The following DOCK5 variants were observed in gnomAD, a reference collection of about 807,000 sequenced individuals.
The protein encoded by DOCK5 is dedicator of cytokinesis protein 5.
A neutral mutation model predicts 251.8 loss-of-function variants in DOCK5; 142 were observed. The observed-to-expected ratio is 0.56, with a 90% confidence interval of 0.49 to 0.65. DOCK5 has a LOEUF of 0.65. DOCK5 is among the 30% of genes least tolerant of loss of function. The pLI is 0.00. For synonymous variants in DOCK5, 842 were observed against 835.5 expected, an observed-to-expected ratio of 1.01 and a Z score of -0.13; for missense variants, 2,111 against 2,312.3, an observed-to-expected ratio of 0.91 and a Z score of 1.79.
Position 25,237,038 on chromosome 8 carries a change from T to G in DOCK5, c.44-6636T>G, listed in dbSNP as rs568193446. Reference sequence around the variant, plus strand: ...TAGCTATTCTTCAGGGGATTGTAATTTGAGGATTCATGTAATAATCTCATT... The same window carrying G: ...TAGCTATTCTTCAGGGGATTGTAATGTGAGGATTCATGTAATAATCTCATT... On this transcript the variant is annotated intron_variant, in intron 1 of 51. Transcript: ENST00000276440. Among the ~76,000 whole-genome samples the G allele has an allele frequency of 5.3e-5, 8 of 152,300 alleles. No individual in the cohort carries two copies. The East Asian group carries it at 1.5e-3, about 29-fold the overall frequency.
chr8:25,379,943 C>T (rs1801035701), intron 38 of DOCK5, among the ~76,000 whole-genome samples: 1 of 152,112 alleles, frequency 6.6e-6, no homozygotes, highest in South Asian at 2.1e-4. Context: ...CCCCTCCAAC[C>T]AGACTTGCAT....
At chr8:25,289,225 C>T (rs1479486370) in intron 5 of DOCK5, among the ~76,000 whole-genome samples, 5 of 152,090 alleles carry the variant, frequency 3.3e-5, no homozygotes, top group Admixed American at 6.6e-5. Context: ...TCCTTAGGAT[C>T]GTCATAGAAG....
intron 1 of DOCK5, among the ~76,000 whole-genome samples, chr8:25,227,972 C>A (rs1221605828): frequency 6.6e-6 from 1 of 152,104 alleles, no homozygotes; most frequent in African/African-American, 2.4e-5. Flanking sequence ...GCAGCCTCCA[C>A]CTGCCAGGCT....
At chr8:25,343,112 C>T (rs991035135) in intron 25 of DOCK5, among the ~76,000 whole-genome samples, 9 of 152,180 alleles carry the variant, frequency 5.9e-5, no homozygotes, top group African/African-American at 1.9e-4. Flanking sequence ...GATTCTCCTG[C>T]CTCAGCCCCC....
chr8:25,344,531 C>G (rs935246343), intron 25 of DOCK5, among the ~76,000 whole-genome samples: 11 of 152,162 alleles, frequency 7.2e-5, no homozygotes, highest in African/African-American at 2.4e-4. Flanking sequence ...AAATGAGTGG[C>G]CTTCTCTAAG....
At chr8:25,389,321 T>C (rs1801218229) in intron 41 of DOCK5, 89 bp downstream of exon 41, 6 of 1,478,630 alleles carry the variant, frequency 4.1e-6, no homozygotes, top group Non-Finnish European at 5.5e-6. Flanking sequence ...CTACAGTCCC[T>C]TCTCTGCAGA....
At chr8:25,385,547 GC>G (rs1231587201) in intron 40 of DOCK5, among the ~76,000 whole-genome samples, 2 of 152,110 alleles carry the variant, frequency 1.3e-5, no homozygotes. Context: ...ACCGGAAAAG[GC>G]CAGAGTCACA....
intron 5 of DOCK5, among the ~76,000 whole-genome samples, chr8:25,281,603 A>G (rs887274136): frequency 6.6e-6 from 1 of 150,490 alleles, no homozygotes; most frequent in African/African-American, 2.4e-5. Flanking sequence ...AAAAAAGGCC[A>G]GGCGCAGTGG....
chr8:25,391,094 G>C (rs763568337), intron 42 of DOCK5, among the ~76,000 whole-genome samples: 1 of 152,088 alleles, frequency 6.6e-6, no homozygotes, highest in Non-Finnish European at 1.5e-5. Flanking sequence ...AGGCTGGCAT[G>C]CAGTGGCACG....
At chr8:25,267,212 C>G (rs570714923) in intron 2 of DOCK5, among the ~76,000 whole-genome samples, 8 of 152,254 alleles carry the variant, frequency 5.3e-5, no homozygotes, top group African/African-American at 1.9e-4. Flanking sequence ...GAATCTCTTA[C>G]ACCTTGGCAT....
At chr8:25,185,079 T>C (rs1410089437) in intron 1 of DOCK5, 128 bp downstream of exon 1, 4 of 1,104,754 alleles carry the variant, frequency 3.6e-6, no homozygotes, top group Non-Finnish European at 4.6e-6. Context: ...TGCGCAGCTC[T>C]GGGAGCCGGG....
chr8:25,332,532 G>T (rs1805706774), intron 19 of DOCK5, 71 bp from the exon 20 acceptor site: 8 of 1,350,814 alleles, frequency 5.9e-6, no homozygotes, highest in Non-Finnish European at 8.2e-6. Flanking sequence ...TAAACTAGTT[G>T]TACCCAGATT....
At chr8:25,334,466 A>G (rs1382237697) in intron 21 of DOCK5, among the ~76,000 whole-genome samples, 1 of 152,168 alleles carries the variant, frequency 6.6e-6, no homozygotes, top group Non-Finnish European at 1.5e-5. Context: ...CATACCTGCA[A>G]TTCCAGCACT....
chr8:25,193,477 G>A (rs762637139), intron 1 of DOCK5, among the ~76,000 whole-genome samples: 6 of 151,504 alleles, frequency 4.0e-5, no homozygotes, highest in Non-Finnish European at 8.8e-5. Flanking sequence ...GCACAAAAAT[G>A]AGGCCAAATG....
chr8:25,298,294 TG>T (rs1041829696), intron 7 of DOCK5, among the ~76,000 whole-genome samples: 3 of 152,196 alleles, frequency 2.0e-5, no homozygotes, highest in Non-Finnish European at 4.4e-5. Flanking sequence ...TGGAATATTT[TG>T]TTTTTAATGA....
At chr8:25,295,971 T>C (rs1327868299) in intron 6 of DOCK5, among the ~76,000 whole-genome samples, 1 of 151,944 alleles carries the variant, frequency 6.6e-6, no homozygotes, top group Non-Finnish European at 1.5e-5. Flanking sequence ...AGGCGTGTGC[T>C]ACTACACCTG....
chr8:25,310,607 C>G (rs1038912090), intron 13 of DOCK5, 75 bp downstream of exon 13: 27 of 1,480,516 alleles, frequency 1.8e-5, no homozygotes, highest in South Asian at 2.8e-5. Flanking sequence ...GTGGAGGCAA[C>G]TTGGATCCAG....
At chr8:25,204,141 T>A (rs567864665) in intron 1 of DOCK5, among the ~76,000 whole-genome samples, 1 of 152,340 alleles carries the variant, frequency 6.6e-6, no homozygotes, top group South Asian at 2.1e-4. Flanking sequence ...TTTGCCAATT[T>A]TTTTAATAGC....
At chr8:25,240,348 T>A (rs1230797035) in intron 1 of DOCK5, among the ~76,000 whole-genome samples, 1 of 151,698 alleles carries the variant, frequency 6.6e-6, no homozygotes, top group Non-Finnish European at 1.5e-5. Flanking sequence ...TTTAAGCATA[T>A]AATTCACTGA....
Sources: gnomAD v4.1 joint callset for allele counts (sites outside exome capture counted in the v4.1 genomes callset) on GRCh38, gnomAD v4.1.1 for gene constraint, MANE v1.5 for transcripts, NCBI Gene and HGNC (gene_info 2026-07-23, HGNC 2026-07-21) for gene names.